The following MGAT5 variants were observed in gnomAD, a reference collection of about 807,000 sequenced individuals.
The protein encoded by MGAT5 is alpha-1,6-mannosylglycoprotein 6-beta-N-acetylglucosaminyltransferase.
Under a neutral mutation model 94.3 loss-of-function variants are expected in MGAT5, and 30 were observed. The ratio of observed to expected loss-of-function variants is 0.32; its 90% CI spans 0.24 to 0.43. The LOEUF (loss-of-function observed/expected upper bound fraction) is 0.43. Ranked by LOEUF, MGAT5 falls within the 20% of genes least tolerant of loss-of-function variation. The pLI is 1.00. For missense variants in MGAT5, 691 were observed against 905.5 expected (o/e 0.76, Z 3.04); for synonymous variants, 310 against 322.9 (o/e 0.96, Z 0.43).
chr2:134,194,606 G>A (rs1254095007), intron 1 of MGAT5, among the ~76,000 whole-genome samples: 3 of 152,130 alleles, frequency 2.0e-5, no homozygotes, highest in African/African-American at 7.3e-5. Flanking sequence ...ATGATAGGGG[G>A]TGTTTAGAGT....
At chr2:134,149,055 G>A (rs577004225) in intron 1 of MGAT5, among the ~76,000 whole-genome samples, 9 of 152,148 alleles carry the variant, frequency 5.9e-5, no homozygotes, top group South Asian at 4.2e-4. Flanking sequence ...GTGAGCCACC[G>A]TGCCCAGCCT....
rs559750470 is a variant in MGAT5 at position 134,404,567 on chromosome 2, C to T, written c.1530+1430C>T. Among the ~76,000 whole-genome samples the T allele has an allele frequency of 3.3e-5, 5 of 152,100 alleles. No individual in the cohort carries two copies. In the East Asian group the frequency reaches 7.7e-4, roughly 23 times the overall value. ...CTCTGCTAGCCCCTTGATGTACTAT[C>T]GTCATAAACACTCAAACTTAAGAAC... is the stretch of plus-strand genomic sequence containing the variant. On this transcript the variant is annotated intron_variant, in intron 11 of 15. Transcript: ENST00000281923.
intron 2 of MGAT5, among the ~76,000 whole-genome samples, chr2:134,300,335 C>T (rs1159496127): frequency 3.9e-5 from 6 of 152,114 alleles, no homozygotes; most frequent in African/African-American, 1.4e-4. Flanking sequence ...TGATTTCTGT[C>T]GAAGCCTACA....
intron 1 of MGAT5, among the ~76,000 whole-genome samples, chr2:134,191,057 C>G (rs1450897621): frequency 2.0e-5 from 3 of 152,196 alleles, no homozygotes; most frequent in African/African-American, 7.2e-5. Context: ...TTCATGTTCC[C>G]AAGCCGAAAC....
intron 1 of MGAT5, among the ~76,000 whole-genome samples, chr2:134,264,654 G>T (rs1462634120): frequency 6.6e-6 from 1 of 152,152 alleles, no homozygotes; most frequent in Non-Finnish European, 1.5e-5. Flanking sequence ...TTATCTTTCT[G>T]TGGAAAGATC....
intron 10 of MGAT5, among the ~76,000 whole-genome samples, chr2:134,372,626 C>A (rs571103603): frequency 6.6e-6 from 1 of 152,170 alleles, no homozygotes; most frequent in Non-Finnish European, 1.5e-5. Context: ...GAGCAGGCCA[C>A]TCATGGTACA....
chr2:134,383,853 G>C (rs755213762), intron 10 of MGAT5, among the ~76,000 whole-genome samples: 1 of 151,912 alleles, frequency 6.6e-6, no homozygotes, highest in Non-Finnish European at 1.5e-5. Flanking sequence ...CTAATTTTTT[G>C]TATTTTTTAG....
At chr2:134,329,424 T>G (rs1033830002) in intron 4 of MGAT5, among the ~76,000 whole-genome samples, 1 of 152,148 alleles carries the variant, frequency 6.6e-6, no homozygotes, top group African/African-American at 2.4e-5. Context: ...GCTACATTCG[T>G]TAACCATACA....
chr2:134,240,910 A>C (rs1179767924), intron 1 of MGAT5, among the ~76,000 whole-genome samples: 1 of 152,246 alleles, frequency 6.6e-6, no homozygotes, highest in East Asian at 1.9e-4. Flanking sequence ...TTAGAAACAC[A>C]ACTGGAAAAA....
intron 10 of MGAT5, among the ~76,000 whole-genome samples, chr2:134,369,389 C>T (rs531610216): frequency 6.6e-6 from 1 of 152,256 alleles, no homozygotes; most frequent in African/African-American, 2.4e-5. Context: ...TGGATGGGAA[C>T]AAGATACTGC....
chr2:134,255,821 A>G (rs1682930335), intron 1 of MGAT5, among the ~76,000 whole-genome samples: 2 of 152,168 alleles, frequency 1.3e-5, no homozygotes, highest in Non-Finnish European at 2.9e-5. Context: ...GTGATTCCCA[A>G]AAATGTGCAG....
chr2:134,270,529 C>T lies in MGAT5; in HGVS notation c.385C>T (p.Leu129Phe), dbSNP rs755731816. 4 of 1,614,020 alleles carry T rather than the reference C, an allele frequency of 2.5e-6. No homozygotes were observed. In the East Asian group the frequency reaches 8.9e-5, roughly 36 times the overall value. Reference sequence around the variant, plus strand: ...TACAGCTGTTCCCAGCTTGGTTGCACTTGAGAAAATTAATGTGGCAGGTAA... The same window carrying T: ...TACAGCTGTTCCCAGCTTGGTTGCATTTGAGAAAATTAATGTGGCAGGTAA... ...STTAVPSLVA[L>F]EKINVADIIN... Residue 129 changes from leucine (L) to phenylalanine (F), a missense_variant, in exon 2 of 16, where the codon CTT (leucine) becomes TTT (phenylalanine). Around this residue, in one of 4 missense-constraint regions of MGAT5, gnomAD observed 307 missense variants for 335.4 expected, o/e 0.92. Coordinates refer to ENST00000281923, the MANE Select transcript of MGAT5 (RefSeq NM_002410.5).
intron 2 of MGAT5, among the ~76,000 whole-genome samples, chr2:134,310,029 T>A (rs1686554969): frequency 6.6e-6 from 1 of 152,178 alleles, no homozygotes; most frequent in Admixed American, 6.5e-5. Context: ...ATACATTAGT[T>A]CTATTCTTGA....
At chr2:134,423,045 A>G (rs1365616112) in intron 13 of MGAT5, 126 bp downstream of exon 13, 1 of 663,914 alleles carries the variant, frequency 1.5e-6, no homozygotes, top group Non-Finnish European at 2.6e-6. Flanking sequence ...GGAATTAGAA[A>G]ATAACCAAGC....
intron 10 of MGAT5, among the ~76,000 whole-genome samples, chr2:134,395,288 G>C (rs1402584321): frequency 2.0e-5 from 3 of 152,232 alleles, no homozygotes; most frequent in Non-Finnish European, 4.4e-5. Context: ...TCATAAACTG[G>C]CTGGTGGTTC....
intron 1 of MGAT5, among the ~76,000 whole-genome samples, chr2:134,256,637 C>A (rs1228385584): frequency 6.6e-6 from 1 of 152,082 alleles, no homozygotes; most frequent in African/African-American, 2.4e-5. Flanking sequence ...TTTTAAGTTA[C>A]AAAAAAATCC....
chr2:134,228,164 A>G (rs1334138807), intron 1 of MGAT5, among the ~76,000 whole-genome samples: 1 of 152,148 alleles, frequency 6.6e-6, no homozygotes, highest in Non-Finnish European at 1.5e-5. Context: ...CACAGGAACA[A>G]TGTGTGTTGG....
At chr2:134,378,313 G>A (rs1681315495) in intron 10 of MGAT5, among the ~76,000 whole-genome samples, 1 of 152,166 alleles carries the variant, frequency 6.6e-6, no homozygotes, top group South Asian at 2.1e-4. Context: ...AGGACTTTGT[G>A]ACTGGGAGGC....
At chr2:134,370,852 T>A (rs938680974) in intron 10 of MGAT5, among the ~76,000 whole-genome samples, 8 of 152,258 alleles carry the variant, frequency 5.3e-5, no homozygotes, top group Non-Finnish European at 8.8e-5. Flanking sequence ...TAAGGATTTA[T>A]TTTAATGGGT....
Sources: gnomAD v4.1 joint callset for allele counts (sites outside exome capture counted in the v4.1 genomes callset) on GRCh38, gnomAD v4.1.1 for gene constraint, gnomAD v4.1.1 regional missense constraint, MANE v1.5 for transcripts, NCBI Gene and HGNC (gene_info 2026-07-23, HGNC 2026-07-21) for gene names.